The following KMT2C variants were observed in gnomAD, a reference collection of about 807,000 sequenced individuals.
KMT2C encodes histone-lysine N-methyltransferase 2C.
KMT2C carries 88 observed loss-of-function variants against 507.9 expected under a neutral mutation model. The observed-to-expected ratio is 0.17, with a 90% CI of 0.15 to 0.21. KMT2C has a LOEUF of 0.21. Among genes scored for constraint, KMT2C ranks in the 10% least tolerant of loss-of-function variants. The pLI, the probability that KMT2C is intolerant of heterozygous loss-of-function variation, is 1.00. For synonymous variants in KMT2C, 2,049 were observed against 2,080.8 expected (o/e 0.98, Z 0.42); for missense variants, 4,954 against 5,957.8 (o/e 0.83, Z 5.55).
At chr7:152,193,949 G>A in intron 31 of KMT2C, 60 bp downstream of exon 31, 1 of 1,392,556 alleles carries the variant, frequency 7.2e-7, no homozygotes, top group Non-Finnish European at 9.5e-7. Flanking sequence ...GTGTGTATAT[G>A]TACCCACATA....
intron 1 of KMT2C, among the ~76,000 whole-genome samples, chr7:152,410,403 C>T (rs2097669033): frequency 6.9e-6 from 1 of 145,410 alleles, no homozygotes; most frequent in South Asian, 2.2e-4. Flanking sequence ...CGGAGGAAGA[C>T]CCTGTCTCAA....
At chr7:152,312,409 A>G (rs1449637878) in intron 4 of KMT2C, 1 of 152,376 alleles carries the variant, frequency 6.6e-6, no homozygotes, top group African/African-American at 2.4e-5. Flanking sequence ...AAGAAAGGAT[A>G]TTTTCCAGGG....
At position 152,187,247 on chromosome 7, in the gene KMT2C, A is replaced by G; in HGVS notation, c.5008+15T>C. On this transcript the variant is annotated intron_variant, in intron 33 of 58. Transcript: ENST00000262189. ...AAAATGTTGGTAAAACAGAAATAATATATTCATGGCTTACCAGGGAATTCT... is the reference window on the plus strand; with the variant it reads ...AAAATGTTGGTAAAACAGAAATAATGTATTCATGGCTTACCAGGGAATTCT... 1 of 1,598,514 alleles carries G rather than the reference A, an allele frequency of 6.3e-7. No individual in the cohort carries two copies. Among genetic ancestry groups the G allele is most frequent in the Non-Finnish European group, 8.6e-7 (1 of 1,165,950 alleles).
At chr7:152,217,044 A>C (rs2094602345) in intron 23 of KMT2C, among the ~76,000 whole-genome samples, 1 of 152,182 alleles carries the variant, frequency 6.6e-6, no homozygotes, top group South Asian at 2.1e-4. Flanking sequence ...ATTTGCCTAA[A>C]AACACCCAGA....
intron 6 of KMT2C, among the ~76,000 whole-genome samples, chr7:152,301,340 T>TAA (rs199597537): frequency 4.6e-4 from 68 of 147,080 alleles, no homozygotes; most frequent in African/African-American, 1.6e-3. Flanking sequence ...CCATCTCTAC[T>TAA]AAAAAAAAAA....
At chr7:152,137,750 T>C (rs774084276) in intron 58 of KMT2C, 1 of 152,242 alleles carries the variant, frequency 6.6e-6, no homozygotes, top group Non-Finnish European at 1.5e-5. Flanking sequence ...TATTAAACTA[T>C]TTACTCAAGA....
chr7:152,297,431 C>T (rs2096526961), intron 6 of KMT2C, among the ~76,000 whole-genome samples: 1 of 152,082 alleles, frequency 6.6e-6, no homozygotes, highest in Non-Finnish European at 1.5e-5. Context: ...AACTGATCAG[C>T]ATATGCATAT....
At position 152,177,758 on chromosome 7, in the gene KMT2C, A is replaced by G. The variant is rs1587957090; in HGVS notation, c.7695T>C (p.Ala2565=). The G allele has an allele frequency of 6.2e-7, 1 of 1,614,086 alleles. No homozygotes were observed. The highest frequency in any genetic ancestry group is 1.3e-5 in the African/African-American group (1 of 75,012). ...GQAYIELRHR[A]PDGRQRLPFS... ...AAGGCAGCCGTTGCCTTCCGTCAGG[A>G]GCCCTATGTCTCAGTTCAATATATG... is the stretch of plus-strand genomic sequence containing the variant. Residue 2565 remains alanine (A), a synonymous_variant, in exon 38 of 59, where the codon GCT becomes GCC. Coordinates refer to ENST00000262189, the MANE Select transcript of KMT2C (RefSeq NM_170606.3).
chr7:152,179,450 C>T (rs1453638048), intron 37 of KMT2C, among the ~76,000 whole-genome samples: 2 of 152,122 alleles, frequency 1.3e-5, no homozygotes, highest in Non-Finnish European at 1.5e-5. Context: ...AATGCTAACA[C>T]AGTTAATACT....
At chr7:152,201,737 A>AG (rs1826625319) in intron 26 of KMT2C, among the ~76,000 whole-genome samples, 2 of 150,894 alleles carry the variant, frequency 1.3e-5, no homozygotes, top group Non-Finnish European at 3.0e-5. Flanking sequence ...TAAGAGATTG[A>AG]GGGGAAAAAC....
At chr7:152,318,626 C>CAAAAA (rs67446037) in intron 3 of KMT2C, among the ~76,000 whole-genome samples, 13 of 54,340 alleles carry the variant, frequency 2.4e-4, no homozygotes, top group Admixed American at 6.3e-4. Context: ...GACTCCATCT[C>CAAAAA]AAAAAAAAAA....
At chr7:152,259,442 A>ACGCGCG (rs747764672) in intron 9 of KMT2C, among the ~76,000 whole-genome samples, 46 of 118,072 alleles carry the variant, frequency 3.9e-4, no homozygotes, top group East Asian at 9.0e-4. Flanking sequence ...AGACACACAC[A>ACGCGCG]CGCGCACACA....
chr7:152,377,365 G>A (rs2097336894), intron 1 of KMT2C, among the ~76,000 whole-genome samples: 1 of 151,934 alleles, frequency 6.6e-6, no homozygotes, highest in Non-Finnish European at 1.5e-5. Context: ...TTACTTTCAT[G>A]CCTGCCAGTA....
In KMT2C at chr7:152,155,641, G is replaced by GATTATTTAATTAGATTAAATCTA. The variant is rs1228366045; in HGVS notation, c.11960+268_11960+269insTAGATTTAATCTAATTAAATAAT. On this transcript the variant is annotated intron_variant, in intron 46 of 58. Transcript: ENST00000262189. ...TTTTCCACTACCTTCATGTCTATTA[G>GATTATTTAATTAGATTAAATCTA]ATTATTTAATTAGATTAAATAATCT... Among the ~76,000 whole-genome samples the GATTATTTAATTAGATTAAATCTA allele has an allele frequency of 3.3e-5, 5 of 152,128 alleles. No individual in the cohort carries two copies. The East Asian group carries it at 9.6e-4, about 29-fold the overall frequency.
intron 55 of KMT2C, among the ~76,000 whole-genome samples, chr7:152,143,497 G>A (rs946627595): frequency 1.3e-5 from 2 of 152,208 alleles, no homozygotes; most frequent in African/African-American, 2.4e-5. Context: ...TGGGGCCCCC[G>A]AACCTGCACA....
intron 4 of KMT2C, among the ~76,000 whole-genome samples, chr7:152,312,459 G>C (rs1353305126): frequency 6.6e-6 from 1 of 152,204 alleles, no homozygotes; most frequent in African/African-American, 2.4e-5. Context: ...ACAGAGGCAG[G>C]AGGAATGGAA....
intron 6 of KMT2C, among the ~76,000 whole-genome samples, chr7:152,283,624 T>C (rs548143073): frequency 6.6e-6 from 1 of 152,306 alleles, no homozygotes; most frequent in South Asian, 2.1e-4. Flanking sequence ...AAAAATCTAG[T>C]ACATATACCC....
At chr7:152,312,314 AAC>A (rs2096679842) in intron 4 of KMT2C, 1 of 156,702 alleles carries the variant, frequency 6.4e-6, no homozygotes, top group Admixed American at 6.4e-5. Context: ...ACGCTTACAA[AAC>A]AAAACTTGAT....
Position 152,158,962 on chromosome 7 carries a change from C to T in KMT2C, c.11571G>A (p.Thr3857=), listed in dbSNP as rs553879441. ...TTGAGCGAGGTGCTGCTTTCTCACC[C>T]GTCCTCTGAGTCCGTTTGCTTCGCT... ...KKQRSKRTQR[T]GEKAAPRSKK... is the part of the protein sequence containing the mutation. The change falls in exon 44 of 59, where the codon ACG becomes ACA. Residue 3857 remains threonine (T), a synonymous_variant. Coordinates refer to ENST00000262189, the MANE Select transcript of KMT2C (RefSeq NM_170606.3). 1.1e-5 allele frequency: 17 copies of T among 1,614,080 alleles called. No homozygotes were observed. Among genetic ancestry groups the T allele is most frequent in the Admixed American group, 3.3e-5 (2 of 60,008 alleles).
Sources: allele counts gnomAD v4.1 joint callset (sites outside exome capture counted in the v4.1 genomes callset), GRCh38; gene constraint gnomAD v4.1.1; transcripts MANE v1.5; gene names NCBI Gene and HGNC (gene_info 2026-07-23, HGNC 2026-07-21).